ZNF804B: variants seen among roughly 807,000 people sequenced by gnomAD.
ZNF804B encodes zinc finger protein 804B.
A neutral mutation model predicts 101.4 loss-of-function variants in ZNF804B; 80 were observed. The observed-to-expected ratio is 0.79, with a 90% CI of 0.66 to 0.95. The LOEUF (loss-of-function observed/expected upper bound fraction) is 0.95. Among genes scored for constraint, ZNF804B ranks in the 40% least tolerant of loss-of-function variants. The pLI, the probability that ZNF804B is intolerant of heterozygous loss-of-function variation, is 0.00. For missense variants in ZNF804B, 1,673 were observed against 1,561.9 expected (o/e 1.07, Z -1.20); for synonymous variants, 622 against 558.8 (o/e 1.11, Z -1.59).
chr7:88,945,433 T>C (rs1178597621), intron 1 of ZNF804B, among the ~76,000 whole-genome samples: 1 of 152,008 alleles, frequency 6.6e-6, no homozygotes, highest in Non-Finnish European at 1.5e-5. Context: ...ACTCTGTTCT[T>C]TTTCCATTGG....
chr7:88,780,763 T>G (rs1320084981), intron 1 of ZNF804B, among the ~76,000 whole-genome samples: 1 of 152,158 alleles, frequency 6.6e-6, no homozygotes, highest in Non-Finnish European at 1.5e-5. Flanking sequence ...ATCAAAAGTG[T>G]GTAAATTCAA....
At chr7:89,004,124 G>A (rs1466473532) in intron 1 of ZNF804B, among the ~76,000 whole-genome samples, 1 of 150,208 alleles carries the variant, frequency 6.7e-6, no homozygotes. Context: ...AAGGACTGGT[G>A]GACTTGGCAC....
chr7:89,111,475 C>T (rs562855060), intron 1 of ZNF804B, among the ~76,000 whole-genome samples: 75 of 152,252 alleles, frequency 4.9e-4, no homozygotes, highest in Non-Finnish European at 9.0e-4. Context: ...TCTGTAATGA[C>T]AGATAACGTT....
chr7:89,075,005 A>G (rs796431932), intron 1 of ZNF804B, among the ~76,000 whole-genome samples: 9 of 152,306 alleles, frequency 5.9e-5, no homozygotes, highest in African/African-American at 2.2e-4. Flanking sequence ...GATTTAGGGT[A>G]TCTGGCAGAA....
At chr7:89,242,757 T>A (rs1789390343) in intron 2 of ZNF804B, among the ~76,000 whole-genome samples, 1 of 151,944 alleles carries the variant, frequency 6.6e-6, no homozygotes, top group South Asian at 2.1e-4. Flanking sequence ...AAATTACATT[T>A]ATTTCATTTT....
At chr7:88,865,732 G>T (rs1791717089) in intron 1 of ZNF804B, among the ~76,000 whole-genome samples, 1 of 152,092 alleles carries the variant, frequency 6.6e-6, no homozygotes, top group African/African-American at 2.4e-5. Flanking sequence ...CATCTGCTGT[G>T]CTCTTATATG....
intron 2 of ZNF804B, among the ~76,000 whole-genome samples, chr7:89,322,083 G>A (rs1161624436): frequency 6.6e-6 from 1 of 152,100 alleles, no homozygotes; most frequent in Non-Finnish European, 1.5e-5. Context: ...TGGAAACAAA[G>A]GGAACTATGG....
chr7:89,181,927 T>C (rs1788303915), intron 1 of ZNF804B, among the ~76,000 whole-genome samples: 1 of 152,170 alleles, frequency 6.6e-6, no homozygotes, highest in Non-Finnish European at 1.5e-5. Context: ...AAGAGCAACA[T>C]CCTAAGAGAC....
At chr7:89,064,670 G>A (rs975358464) in intron 1 of ZNF804B, among the ~76,000 whole-genome samples, 1 of 152,104 alleles carries the variant, frequency 6.6e-6, no homozygotes, top group Non-Finnish European at 1.5e-5. Context: ...CATGTCATGT[G>A]CACAGTAAGA....
rs564844170 is a variant in ZNF804B, at chr7:89,110,741, T to C, written c.109-107414T>C. ...TACAGTCAATAGTTTACATCGGGTT[T>C]CAGTCTTTGTATTATTCAATTTTAT... is the stretch of plus-strand genomic sequence containing the variant. On this transcript the variant is annotated intron_variant, in intron 1 of 3. Transcript: ENST00000333190. Among the ~76,000 whole-genome samples the C allele has an allele frequency of 2.4e-4, 36 of 152,290 alleles. 1 individual carries two copies. The highest frequency in any genetic ancestry group is 7.5e-4 in the African/African-American group (31 of 41,582).
At chr7:89,156,019 C>CCTTTCTTCCTTTCTTT (rs1790960061) in intron 1 of ZNF804B, among the ~76,000 whole-genome samples, 1 of 121,836 alleles carries the variant, frequency 8.2e-6, no homozygotes, top group Non-Finnish European at 1.7e-5. Context: ...TTCTCTCTTT[C>CCTTTCTTCCTTTCTTT]CTTTCTTTCT....
chr7:89,118,257 G>A (rs182617585), intron 1 of ZNF804B, among the ~76,000 whole-genome samples: 115 of 152,048 alleles, frequency 7.6e-4, no homozygotes, highest in African/African-American at 2.5e-3. Flanking sequence ...GTTAAATATC[G>A]CCTCCTTGGA....
At chr7:89,255,905 G>T (rs13238481) in intron 2 of ZNF804B, among the ~76,000 whole-genome samples, 18,578 of 151,866 alleles carry the variant, frequency 0.12, 1,217 homozygotes, top group Middle Eastern at 0.26. Flanking sequence ...TGCAGAGGGG[G>T]TAATATAAAT....
intron 1 of ZNF804B, among the ~76,000 whole-genome samples, chr7:88,801,043 A>AT (rs1790572846): frequency 6.6e-6 from 1 of 151,988 alleles, no homozygotes; most frequent in Admixed American, 6.6e-5. Context: ...CTAGTGGAGA[A>AT]TTTTTTATTT....
intron 1 of ZNF804B, among the ~76,000 whole-genome samples, chr7:88,829,096 T>C (rs1791092526): frequency 6.6e-6 from 1 of 152,124 alleles, no homozygotes; most frequent in Admixed American, 6.6e-5. Flanking sequence ...TACTTTTTGC[T>C]ATTTTTAAGA....
intron 1 of ZNF804B, among the ~76,000 whole-genome samples, chr7:88,762,481 A>G (rs1260560775): frequency 6.6e-6 from 1 of 152,192 alleles, no homozygotes; most frequent in East Asian, 1.9e-4. Context: ...AACTTTCCTA[A>G]TCTAGATAAA....
intron 1 of ZNF804B, among the ~76,000 whole-genome samples, chr7:88,876,178 C>T (rs1358784805): frequency 6.6e-6 from 1 of 152,162 alleles, no homozygotes; most frequent in Non-Finnish European, 1.5e-5. Flanking sequence ...ACTGCTTTCC[C>T]AGACAGATCA....
intron 1 of ZNF804B, among the ~76,000 whole-genome samples, chr7:89,020,080 C>T (rs1414759754): frequency 1.3e-5 from 2 of 152,064 alleles, no homozygotes; most frequent in Admixed American, 6.6e-5. Flanking sequence ...GACAATGCAG[C>T]CACCCATGTG....
chr7:89,241,630 T>G, intron 2 of ZNF804B, among the ~76,000 whole-genome samples: 1 of 152,080 alleles, frequency 6.6e-6, no homozygotes, highest in Non-Finnish European at 1.5e-5. Flanking sequence ...CAAATATAAT[T>G]TTGCTCCCTC....
Sources: gnomAD v4.1 joint callset for allele counts (sites outside exome capture counted in the v4.1 genomes callset) on GRCh38, gnomAD v4.1.1 for gene constraint, MANE v1.5 for transcripts, NCBI Gene and HGNC (gene_info 2026-07-23, HGNC 2026-07-21) for gene names.